The following NAV3 variants were observed in gnomAD, a reference collection of about 807,000 sequenced individuals.
NAV3 encodes neuron navigator 3, also known as pore membrane and/or filament interacting like protein 1.
NAV3 carries 87 observed loss-of-function variants against 244.7 expected under a neutral mutation model. The ratio of observed to expected loss-of-function variants is 0.36; its 90% CI spans 0.30 to 0.42. The LOEUF is 0.42. Ranked by LOEUF, NAV3 falls within the 20% of genes least tolerant of loss-of-function variation. The probability of loss-of-function intolerance (pLI) is 1.00; values close to 1 mark genes in which losing one functional copy is unlikely to be tolerated. For missense variants in NAV3, 2,663 were observed against 2,893.3 expected, an observed-to-expected ratio of 0.92 and a Z score of 1.83; for synonymous variants, 1,126 against 1,042.2, an observed-to-expected ratio of 1.08 and a Z score of -1.55.
intron 9 of NAV3, chr12:78,036,666 G>C: frequency 2.0e-6 from 1 of 499,452 alleles, no homozygotes; most frequent in East Asian, 3.0e-5. Context: ...AAGTACTGCT[G>C]ATTAGTAAAG....
intron 2 of NAV3, among the ~76,000 whole-genome samples, chr12:77,677,666 T>C (rs1019382679): frequency 6.6e-6 from 1 of 152,208 alleles, no homozygotes; most frequent in Non-Finnish European, 1.5e-5. Flanking sequence ...TAAAATGAGA[T>C]GTGTGAATGG....
chr12:77,694,420 C>A (rs566106946), intron 2 of NAV3, among the ~76,000 whole-genome samples: 1 of 151,570 alleles, frequency 6.6e-6, no homozygotes, highest in African/African-American at 2.4e-5. Context: ...TTGCAGTGAG[C>A]TGAGATCACA....
intron 12 of NAV3, among the ~76,000 whole-genome samples, chr12:78,086,750 A>AC (rs1178229270): frequency 6.6e-6 from 1 of 151,900 alleles, no homozygotes; most frequent in Non-Finnish European, 1.5e-5. Context: ...TTTCTGCAGC[A>AC]CCCCCTGTGG....
chr12:77,937,350 C>T (rs1053059461), intron 1 of NAV3, among the ~76,000 whole-genome samples: 8 of 152,184 alleles, frequency 5.3e-5, no homozygotes, highest in African/African-American at 1.7e-4. Context: ...AACAAGGTAT[C>T]TTGAAGCCAA....
At chr12:78,116,043 T>C (rs553212679) in intron 12 of NAV3, among the ~76,000 whole-genome samples, 7 of 152,238 alleles carry the variant, frequency 4.6e-5, no homozygotes, top group Non-Finnish European at 7.3e-5. Flanking sequence ...TTCATTTTAG[T>C]AACCACAGTC....
intron 2 of NAV3, among the ~76,000 whole-genome samples, chr12:77,670,087 G>A (rs147960058): frequency 6.6e-6 from 1 of 151,942 alleles, no homozygotes; most frequent in Non-Finnish European, 1.5e-5. Context: ...ATCCAAATAA[G>A]CTCAATGGGA....
At chr12:78,080,639 A>C (rs1953298860) in intron 12 of NAV3, among the ~76,000 whole-genome samples, 1 of 152,112 alleles carries the variant, frequency 6.6e-6, no homozygotes. Flanking sequence ...ATAATTCTCA[A>C]TCTGCTGCTG....
chr12:77,632,249 TA>T (rs35211212), intron 2 of NAV3, among the ~76,000 whole-genome samples: 4 of 152,298 alleles, frequency 2.6e-5, no homozygotes, highest in Non-Finnish European at 4.4e-5. Flanking sequence ...ATGTTCTTTG[TA>T]AAAAAGTTTA....
At chr12:77,955,077 T>G (rs1340839761) in intron 3 of NAV3, among the ~76,000 whole-genome samples, 3 of 152,190 alleles carry the variant, frequency 2.0e-5, no homozygotes, top group Non-Finnish European at 4.4e-5. Flanking sequence ...TTTCAGGATT[T>G]GTGCTCTGGA....
At chr12:77,759,864 T>C (rs1191048220) in intron 2 of NAV3, among the ~76,000 whole-genome samples, 1 of 152,254 alleles carries the variant, frequency 6.6e-6, no homozygotes, top group East Asian at 1.9e-4. Context: ...TGCTGTTTTC[T>C]GGATTCTGAA....
chr12:77,626,685 A>G (rs185627392), intron 2 of NAV3, among the ~76,000 whole-genome samples: 13 of 152,174 alleles, frequency 8.5e-5, no homozygotes, highest in African/African-American at 3.1e-4. Context: ...CTGCTAGCCA[A>G]TAATACTATT....
intron 15 of NAV3, 21 bp downstream of exon 15, chr12:78,119,966 G>C: frequency 1.9e-6 from 3 of 1,582,348 alleles, no homozygotes; most frequent in Non-Finnish European, 2.6e-6. Flanking sequence ...ATAAAATGAT[G>C]CTGGAAAAAT....
chr12:77,654,351 G>T (rs1244601173), intron 2 of NAV3, among the ~76,000 whole-genome samples: 2 of 152,236 alleles, frequency 1.3e-5, no homozygotes, highest in Non-Finnish European at 2.9e-5. Flanking sequence ...CTCGCTGATT[G>T]CTAGTACAGC....
rs1886552653 is a variant in NAV3 at position 77,911,218 on chromosome 12, GC to G, written c.244-29100del. ...AACTCCAGGTAAAAAGTGATCAAAT[GC>G]TTCTGGACTTTTTGATAAAAGGCAG... On this transcript the variant is annotated intron_variant, in intron 1 of 39. Coordinates refer to ENST00000397909, the MANE Select transcript of NAV3 (RefSeq NM_001024383.2). 3.3e-5 allele frequency among the ~76,000 whole-genome samples: 5 copies of G among 152,168 alleles called. No homozygotes were observed. The South Asian group carries it at 1.0e-3, about 32-fold the overall frequency.
intron 2 of NAV3, among the ~76,000 whole-genome samples, chr12:77,615,680 A>G (rs934068178): frequency 2.0e-5 from 3 of 152,162 alleles, no homozygotes; most frequent in Non-Finnish European, 4.4e-5. Context: ...TGATGAACAT[A>G]TGAATTCATG....
chr12:77,987,467 A>G (rs949111850), intron 5 of NAV3, among the ~76,000 whole-genome samples: 5 of 152,194 alleles, frequency 3.3e-5, no homozygotes, highest in African/African-American at 1.2e-4. Flanking sequence ...TTAAGGATGT[A>G]ATAATGACTA....
At chr12:77,650,339 A>C (rs1055760312) in intron 2 of NAV3, among the ~76,000 whole-genome samples, 3 of 152,176 alleles carry the variant, frequency 2.0e-5, no homozygotes, top group Admixed American at 6.6e-5. Flanking sequence ...GAATCAAGAA[A>C]GTCTTCCCTA....
At chr12:78,052,202 G>A (rs1016247456) in intron 11 of NAV3, 3 of 152,090 alleles carry the variant, frequency 2.0e-5, no homozygotes, top group African/African-American at 7.2e-5. Context: ...AAAAGCTTAT[G>A]TTTGAAGGGT....
At chr12:77,916,104 C>A (rs937211459) in intron 1 of NAV3, among the ~76,000 whole-genome samples, 3 of 151,946 alleles carry the variant, frequency 2.0e-5, no homozygotes, top group Admixed American at 1.3e-4. Flanking sequence ...AGAGACATGA[C>A]TTAAATGAGT....
Sources: gnomAD v4.1 joint callset for allele counts (sites outside exome capture counted in the v4.1 genomes callset) on GRCh38, gnomAD v4.1.1 for gene constraint, MANE v1.5 for transcripts, NCBI Gene and HGNC (gene_info 2026-07-23, HGNC 2026-07-21) for gene names.